The following CARMIL1 variants were observed in gnomAD, a reference collection of about 807,000 sequenced individuals.
The protein encoded by CARMIL1 is capping protein regulator and myosin 1 linker 1, also known as F-actin-uncapping protein LRRC16A.
In CARMIL1, 90 loss-of-function variants were observed where a neutral mutation model predicts 177.1. That is an observed-to-expected ratio of 0.51 (90% confidence interval 0.43 to 0.61). The LOEUF is 0.61. Among genes scored for constraint, CARMIL1 ranks in the 20% least tolerant of loss-of-function variants. The pLI is 0.00. For synonymous variants in CARMIL1, 577 were observed against 606.2 expected (o/e 0.95, Z 0.71); for missense variants, 1,380 against 1,667.0 (o/e 0.83, Z 3.00).
intron 32 of CARMIL1, among the ~76,000 whole-genome samples, chr6:25,597,979 T>A (rs953979193): frequency 1.3e-5 from 2 of 152,128 alleles, no homozygotes; most frequent in Non-Finnish European, 2.9e-5. Context: ...CTTGAGTCTT[T>A]CTTTTGTTTC....
At chr6:25,456,801 C>T (rs919535794) in intron 8 of CARMIL1, among the ~76,000 whole-genome samples, 21 of 152,134 alleles carry the variant, frequency 1.4e-4, no homozygotes, top group African/African-American at 4.3e-4. Flanking sequence ...CATCATTGAG[C>T]TTCAACTTGG....
chr6:25,403,099 T>TAA (rs1554187342), intron 2 of CARMIL1, among the ~76,000 whole-genome samples: 116 of 147,090 alleles, frequency 7.9e-4, no homozygotes, highest in African/African-American at 1.1e-3. Context: ...TTTTTTTTTT[T>TAA]AAAAACAAAA....
At chr6:25,446,199 A>G (rs1798217400) in intron 5 of CARMIL1, among the ~76,000 whole-genome samples, 1 of 152,198 alleles carries the variant, frequency 6.6e-6, no homozygotes, top group Non-Finnish European at 1.5e-5. Context: ...CTAACAAGAG[A>G]GGCAGCCTGT....
intron 2 of CARMIL1, among the ~76,000 whole-genome samples, chr6:25,395,670 A>T (rs1235332393): frequency 6.6e-6 from 1 of 152,206 alleles, no homozygotes; most frequent in Non-Finnish European, 1.5e-5. Context: ...TTGCTCATAT[A>T]GTATTGCTCG....
Position 25,328,567 on chromosome 6 carries a change from A to G in CARMIL1, c.138+43658A>G, listed in dbSNP as rs113677081. Among the ~76,000 whole-genome samples the G allele has an allele frequency of 1.6e-4, 24 of 152,216 alleles. No individual in the cohort carries two copies. In the South Asian group the frequency reaches 4.6e-3, roughly 29 times the overall value. On this transcript the variant is annotated intron_variant, in intron 2 of 36. Transcript: ENST00000329474. ...CAAGGCCTTGTTTCTTTTCTATAGA[A>G]GTTATATTTCTCTGAGTTCAGATGT...
chr6:25,412,108 CTTGGT>C (rs1794952789), intron 2 of CARMIL1, among the ~76,000 whole-genome samples: 1 of 152,204 alleles, frequency 6.6e-6, no homozygotes, highest in Admixed American at 6.5e-5. Flanking sequence ...TAACTCTCTT[CTTGGT>C]TTACTACTAT....
At chr6:25,297,081 C>G (rs1413946348) in intron 2 of CARMIL1, among the ~76,000 whole-genome samples, 2 of 152,226 alleles carry the variant, frequency 1.3e-5, no homozygotes, top group African/African-American at 4.8e-5. Context: ...GCACAGGCCA[C>G]CATGCCCAGC....
At chr6:25,332,669 C>A (rs1418415389) in intron 2 of CARMIL1, among the ~76,000 whole-genome samples, 1 of 151,564 alleles carries the variant, frequency 6.6e-6, no homozygotes, top group Non-Finnish European at 1.5e-5. Flanking sequence ...ATGGAGATGT[C>A]ATTTAGTTTT....
chr6:25,560,410 C>CT (rs1389434509), intron 29 of CARMIL1, among the ~76,000 whole-genome samples: 10 of 152,110 alleles, frequency 6.6e-5, no homozygotes, highest in Admixed American at 3.3e-4. Flanking sequence ...CCCCGAGAGT[C>CT]TGACATCTCC....
chr6:25,408,106 G>T (rs139833358), intron 2 of CARMIL1, among the ~76,000 whole-genome samples: 95 of 151,904 alleles, frequency 6.3e-4, no homozygotes, highest in Middle Eastern at 3.4e-3. Context: ...ACCAGCCTGG[G>T]CAACATAGAC....
At chr6:25,461,364 A>G (rs1800101456) in intron 8 of CARMIL1, among the ~76,000 whole-genome samples, 1 of 152,182 alleles carries the variant, frequency 6.6e-6, no homozygotes, top group Admixed American at 6.5e-5. Context: ...ATCTATTGCT[A>G]TGTAACAAAG....
chr6:25,543,007 G>C lies in CARMIL1; in HGVS notation c.2328+2929G>C, dbSNP rs147702698. 9.9e-5 allele frequency among the ~76,000 whole-genome samples: 15 copies of C among 152,172 alleles called. No homozygotes were observed. In the East Asian group the frequency reaches 2.7e-3, roughly 27 times the overall value. ...TAAAATTAACATGTTAAACTTGCAA[G>C]AGCTAAAGTCGATGGATTATCTTGT... On this transcript the variant is annotated intron_variant, in intron 26 of 36. Coordinates refer to ENST00000329474, the MANE Select transcript of CARMIL1 (RefSeq NM_017640.6).
At chr6:25,517,817 A>G (rs1276041278) in intron 22 of CARMIL1, among the ~76,000 whole-genome samples, 3 of 152,234 alleles carry the variant, frequency 2.0e-5, no homozygotes, top group Admixed American at 6.5e-5. Flanking sequence ...GCTGAGGTCC[A>G]GAAAATAAAG....
intron 5 of CARMIL1, among the ~76,000 whole-genome samples, chr6:25,447,306 A>C (rs951417119): frequency 6.6e-6 from 1 of 152,222 alleles, no homozygotes; most frequent in Non-Finnish European, 1.5e-5. Flanking sequence ...AATGTATTTA[A>C]ATGATTTGAT....
intron 29 of CARMIL1, among the ~76,000 whole-genome samples, chr6:25,574,152 A>G (rs1412803715): frequency 3.3e-5 from 5 of 152,240 alleles, no homozygotes; most frequent in African/African-American, 4.8e-5. Context: ...GTGGAAGTAT[A>G]TGGTCATTCA....
chr6:25,360,642 T>G (rs559999524), intron 2 of CARMIL1, among the ~76,000 whole-genome samples: 2 of 152,326 alleles, frequency 1.3e-5, no homozygotes, highest in East Asian at 3.9e-4. Flanking sequence ...GCTGCTCAAA[T>G]TATTGTGCCC....
chr6:25,389,940 ATGAAC>A (rs1394690564), intron 2 of CARMIL1, among the ~76,000 whole-genome samples: 1 of 152,228 alleles, frequency 6.6e-6, no homozygotes, highest in Non-Finnish European at 1.5e-5. Context: ...GTTATACATT[ATGAAC>A]TAATCATCTG....
In CARMIL1 at chr6:25,465,607, G is replaced by A. The variant is rs1800531957; in HGVS notation, c.615-266G>A. 3 of 418,498 alleles carry A rather than the reference G, an allele frequency of 7.2e-6. No individual in the cohort carries two copies. The Admixed American group carries it at 1.2e-4, about 17-fold the overall frequency. The allele number at this position is 418,498 out of a possible 1,614,324, so 25.9% of individuals were successfully genotyped here. A position where few individuals can be genotyped will look rare whatever the true frequency, so the allele number is the denominator to read the frequency against. ...ACTTAGAGGTAGGATTTCTCTCAGA[G>A]CAAGGAGGTTTTTCAAGCAAATTCT... On this transcript the variant is annotated intron_variant, in intron 8 of 36. Transcript: ENST00000329474.
At chr6:25,445,774 G>A (rs1488090089) in intron 5 of CARMIL1, among the ~76,000 whole-genome samples, 4 of 151,892 alleles carry the variant, frequency 2.6e-5, no homozygotes, top group African/African-American at 7.3e-5. Context: ...TCCTGACCTC[G>A]TGATCCACAC....
Sources: gnomAD v4.1 joint callset for allele counts (sites outside exome capture counted in the v4.1 genomes callset) on GRCh38, gnomAD v4.1.1 for gene constraint, MANE v1.5 for transcripts, NCBI Gene and HGNC (gene_info 2026-07-23, HGNC 2026-07-21) for gene names.